Variants in SPSB1 observed in about 807,000 individuals in gnomAD.
SPSB1 encodes the protein SPRY domain-containing SOCS box protein 1.
A neutral mutation model predicts 21.2 loss-of-function variants in SPSB1; 8 were observed. That is an observed-to-expected ratio of 0.38 (90% CI 0.22 to 0.68). The LOEUF is 0.68. SPSB1 is among the 30% of genes least tolerant of loss of function. The pLI is 0.53. For synonymous variants in SPSB1, 169 were observed against 161.7 expected (o/e 1.05, Z -0.34); for missense variants, 242 against 377.8 (o/e 0.64, Z 2.98).
intron 1 of SPSB1, among the ~76,000 whole-genome samples, chr1:9,353,825 G>A (rs1414399749): frequency 6.6e-6 from 1 of 152,092 alleles, no homozygotes; most frequent in Non-Finnish European, 1.5e-5. Context: ...GGCATAGGCA[G>A]GAGAATCGCT....
intron 1 of SPSB1, among the ~76,000 whole-genome samples, chr1:9,314,457 C>G (rs934114207): frequency 8.3e-6 from 1 of 121,136 alleles, no homozygotes; most frequent in Non-Finnish European, 1.8e-5. Context: ...GACTGCCAAC[C>G]CACCTTCTGC....
chr1:9,311,452 C>G (rs1162429801), intron 1 of SPSB1, among the ~76,000 whole-genome samples: 2 of 152,138 alleles, frequency 1.3e-5, no homozygotes, highest in African/African-American at 4.8e-5. Flanking sequence ...ACCCCATACC[C>G]ACACCACCCA....
intron 1 of SPSB1, among the ~76,000 whole-genome samples, chr1:9,335,775 T>C (rs955542159): frequency 2.0e-5 from 3 of 152,194 alleles, no homozygotes; most frequent in African/African-American, 7.2e-5. Context: ...GCCACTGCAC[T>C]CCAGCCTGGA....
At chr1:9,327,342 T>C (rs1275746689) in intron 1 of SPSB1, among the ~76,000 whole-genome samples, 1 of 152,236 alleles carries the variant, frequency 6.6e-6, no homozygotes, top group African/African-American at 2.4e-5. Context: ...TGGATATGTA[T>C]GTCTTTGGCA....
At chr1:9,322,073 A>G (rs1044888024) in intron 1 of SPSB1, among the ~76,000 whole-genome samples, 3 of 152,002 alleles carry the variant, frequency 2.0e-5, no homozygotes, top group African/African-American at 4.8e-5. Context: ...CTCCCCGAGC[A>G]CCCATCCTGC....
intron 1 of SPSB1, among the ~76,000 whole-genome samples, chr1:9,347,452 C>A (rs1640181296): frequency 6.6e-6 from 1 of 151,914 alleles, no homozygotes; most frequent in Non-Finnish European, 1.5e-5. Context: ...GCGTTTTTTC[C>A]CTCCCACCCA....
intron 1 of SPSB1, among the ~76,000 whole-genome samples, chr1:9,298,013 A>G (rs1166804019): frequency 6.6e-6 from 1 of 152,222 alleles, no homozygotes; most frequent in Non-Finnish European, 1.5e-5. Context: ...GAGTAATTGC[A>G]TTTGGAGTGC....
intron 1 of SPSB1, among the ~76,000 whole-genome samples, chr1:9,337,722 C>T (rs1320912913): frequency 7.9e-5 from 12 of 152,196 alleles, no homozygotes; most frequent in Non-Finnish European, 1.6e-4. Context: ...AGCCAATATC[C>T]GTGGAGGCTG....
At chr1:9,314,434 G>C (rs1247087919) in intron 1 of SPSB1, among the ~76,000 whole-genome samples, 1 of 151,868 alleles carries the variant, frequency 6.6e-6, no homozygotes, top group Non-Finnish European at 1.5e-5. Flanking sequence ...CCACTTGTGA[G>C]CATCTAGACC....
Position 9,356,045 on chromosome 1 carries a change from C to T in SPSB1, c.154C>T (p.Leu52=). The T allele has an allele frequency of 1.2e-6, 2 of 1,614,108 alleles. No homozygotes were observed. The highest frequency in any genetic ancestry group is 8.5e-7 in the Non-Finnish European group (1 of 1,180,002). The change falls in exon 2 of 3, where the codon CTG becomes TTG. Residue 52 remains leucine, a synonymous_variant. Transcript: ENST00000328089. The surrounding 1 kb of genome is among the most constrained non-coding windows in gnomAD (Gnocchi z 7.4). ...DMPPVSYDVQ[L]LHSWNNNDRS... ...GCCCCCTGTGTCCTATGATGTCCAG[C>T]TGCTGCATTCATGGAACAACAACGA...
intron 1 of SPSB1, among the ~76,000 whole-genome samples, chr1:9,318,798 C>G (rs1356241952): frequency 6.6e-6 from 1 of 152,198 alleles, no homozygotes; most frequent in Non-Finnish European, 1.5e-5. Flanking sequence ...TCTCCAAGGA[C>G]TCACTGCATA....
chr1:9,369,205 G>GT lies in SPSB1; in HGVS notation c.*1640dup, dbSNP rs112184797. On this transcript the variant is annotated 3_prime_UTR_variant, in exon 3 of 3. Transcript: ENST00000328089. Reference sequence around the variant, plus strand: ...ACATTACCCCCTTATTATTTTGACGGTTTTTTTTTTCGGGGCAGGGGACCT... The same window carrying GT: ...ACATTACCCCCTTATTATTTTGACGGTTTTTTTTTTTCGGGGCAGGGGACCT... The GT allele has an allele frequency of 0.3, 44,596 of 148,972 alleles. 7,452 individuals carry two copies. Among genetic ancestry groups the GT allele is most frequent in the Admixed American group, 0.4 (6,029 of 14,966 alleles). The allele number at this position is 148,972 out of a possible 1,614,324, so 9.2% of individuals were successfully genotyped here.
At chr1:9,322,409 C>T (rs942446859) in intron 1 of SPSB1, among the ~76,000 whole-genome samples, 8 of 152,170 alleles carry the variant, frequency 5.3e-5, no homozygotes, top group Non-Finnish European at 8.8e-5. Flanking sequence ...CATTTTTGCA[C>T]GTTTTCAGCA....
intron 1 of SPSB1, among the ~76,000 whole-genome samples, chr1:9,314,516 GGA>G (rs1209166705): frequency 6.6e-6 from 1 of 152,204 alleles, no homozygotes; most frequent in Non-Finnish European, 1.5e-5. Context: ...ATCACCAAAT[GGA>G]GAGAGAGGCA....
chr1:9,308,440 G>A (rs543881052), intron 1 of SPSB1, among the ~76,000 whole-genome samples: 19 of 152,320 alleles, frequency 1.2e-4, no homozygotes, highest in East Asian at 5.8e-4. Context: ...CCTCAGGCAC[G>A]AGAGAAAACC....
At chr1:9,295,870 A>G (rs1639215844) in intron 1 of SPSB1, among the ~76,000 whole-genome samples, 1 of 152,194 alleles carries the variant, frequency 6.6e-6, no homozygotes. Context: ...GACTCAGTGT[A>G]TCTTTTGGTT....
chr1:9,360,875 T>C (rs537261861), intron 2 of SPSB1, among the ~76,000 whole-genome samples: 1 of 152,342 alleles, frequency 6.6e-6, no homozygotes, highest in East Asian at 1.9e-4. Flanking sequence ...AGGCAGCCAG[T>C]GTAGACCATC....
chr1:9,302,462 C>T (rs931416353), intron 1 of SPSB1, among the ~76,000 whole-genome samples: 1 of 152,134 alleles, frequency 6.6e-6, no homozygotes, highest in East Asian at 1.9e-4. Context: ...GGAGGATCTG[C>T]CCTCCATGTG....
At chr1:9,320,128 G>A (rs1035565412) in intron 1 of SPSB1, among the ~76,000 whole-genome samples, 18 of 152,238 alleles carry the variant, frequency 1.2e-4, no homozygotes, top group African/African-American at 3.1e-4. Context: ...GCTTCTCACC[G>A]GCCCCACCCC....
Sources: allele counts gnomAD v4.1 joint callset (sites outside exome capture counted in the v4.1 genomes callset), GRCh38; gene constraint gnomAD v4.1.1; non-coding constraint Gnocchi (gnomAD v3.1); transcripts MANE v1.5; gene names NCBI Gene and HGNC (gene_info 2026-07-23, HGNC 2026-07-21).